Variants in ATOH8 observed in about 807,000 individuals in gnomAD.
The protein encoded by ATOH8 is transcription factor ATOH8.
ATOH8 carries 9 observed loss-of-function variants against 21.2 expected under a neutral mutation model. The ratio of observed to expected loss-of-function variants is 0.42; its 90% CI spans 0.26 to 0.74. ATOH8 has a LOEUF of 0.74. ATOH8 is among the 30% of genes least tolerant of loss of function. The probability of loss-of-function intolerance (pLI) is 0.24; values close to 1 mark genes in which losing one functional copy is unlikely to be tolerated. For synonymous variants in ATOH8, 253 were observed against 224.0 expected, an observed-to-expected ratio of 1.13 and a Z score of -1.16; for missense variants, 524 against 470.9, an observed-to-expected ratio of 1.11 and a Z score of -1.04.
At chr2:85,771,240 G>A (rs1424838067) in intron 2 of ATOH8, among the ~76,000 whole-genome samples, 1 of 151,378 alleles carries the variant, frequency 6.6e-6, no homozygotes, top group Non-Finnish European at 1.5e-5. Flanking sequence ...ACCTGGATTT[G>A]AGTCCTGGCA....
At chr2:85,768,786 A>C (rs1680097180) in intron 2 of ATOH8, among the ~76,000 whole-genome samples, 1 of 152,156 alleles carries the variant, frequency 6.6e-6, no homozygotes, top group Non-Finnish European at 1.5e-5. Flanking sequence ...GGGAACCTGC[A>C]TTCCTTGGCC....
At chr2:85,783,849 C>T (rs972470602) in intron 2 of ATOH8, among the ~76,000 whole-genome samples, 2 of 147,164 alleles carry the variant, frequency 1.4e-5, no homozygotes, top group South Asian at 2.1e-4. Flanking sequence ...CCCCCACATG[C>T]ACCCCCCGCC....
chr2:85,773,173 C>A, intron 2 of ATOH8: 1 of 268,282 alleles, frequency 3.7e-6, no homozygotes, highest in Non-Finnish European at 7.3e-6. Context: ...CAGAGACCCC[C>A]ATCAGCTCAT....
At chr2:85,767,014 C>T (rs1680035079) in intron 2 of ATOH8, among the ~76,000 whole-genome samples, 1 of 152,172 alleles carries the variant, frequency 6.6e-6, no homozygotes, top group Non-Finnish European at 1.5e-5. Context: ...ACTTCCCTGC[C>T]TCCTGGGGCC....
chr2:85,766,575 T>A lies in ATOH8; in HGVS notation c.960+2393T>A, dbSNP rs1680021952. Among the ~76,000 whole-genome samples, 1 of 152,184 alleles carries A rather than the reference T, an allele frequency of 6.6e-6. No homozygotes were observed. ...TCCCCATGGGGGCCGGTGTTCATAA[T>A]TCCAGCCCTTCCCATACCAGCCCCT... is the stretch of plus-strand genomic sequence containing the variant. On this transcript the variant is annotated intron_variant, in intron 2 of 2. Transcript: ENST00000306279. The surrounding 1 kb of genome is among the most constrained non-coding windows in gnomAD (Gnocchi z 4.0).
rs10190632 is a variant in ATOH8 at position 85,790,263 on chromosome 2, A to G, written c.*3373A>G. On this transcript the variant is annotated 3_prime_UTR_variant, in exon 3 of 3. Transcript: ENST00000306279. ...AGGGATGAGGGGGCCCTCTCCAGGG[A>G]CCCGCAAGATCTTCCTGGGTATGTC... Among the ~76,000 whole-genome samples the G allele has an allele frequency of 0.49, 73,885 of 151,982 alleles. 19,636 individuals carry two copies. Among genetic ancestry groups the G allele is most frequent in the African/African-American group, 0.7 (29,136 of 41,462 alleles).
Position 85,766,373 on chromosome 2 carries a change from C to T in ATOH8, c.960+2191C>T, listed in dbSNP as rs1345430350. Among the ~76,000 whole-genome samples, 2 of 152,070 alleles carry T rather than the reference C, an allele frequency of 1.3e-5. No individual in the cohort carries two copies. Among genetic ancestry groups the T allele is most frequent in the Non-Finnish European group, 2.9e-5 (2 of 68,008 alleles). On this transcript the variant is annotated intron_variant, in intron 2 of 2. Coordinates refer to ENST00000306279, the MANE Select transcript of ATOH8 (RefSeq NM_032827.7). This position sits in a 1 kb window ranked among gnomAD's most constrained non-coding sequence, Gnocchi z 4.0. Reference sequence around the variant, plus strand: ...AGCCCGGGCCTGAGGGCACTTCCTGCCTCCTGCCCTCAGTCTTTCCCAGCT... The same window carrying T: ...AGCCCGGGCCTGAGGGCACTTCCTGTCTCCTGCCCTCAGTCTTTCCCAGCT...
chr2:85,765,674 C>G (rs1327707644), intron 2 of ATOH8, among the ~76,000 whole-genome samples: 1 of 151,898 alleles, frequency 6.6e-6, no homozygotes, highest in Non-Finnish European at 1.5e-5. Context: ...GGCGCCCCGT[C>G]TCCATCTCAG....
Position 85,772,566 on chromosome 2 carries a change from G to A in ATOH8, c.960+8384G>A, listed in dbSNP as rs1178110891. The A allele has an allele frequency of 1.0e-5, 4 of 384,402 alleles. No individual in the cohort carries two copies. In the Admixed American group the frequency reaches 1.4e-4, roughly 13 times the overall value. 23.8% of individuals were successfully genotyped at this position (384,402 alleles called of 1,614,324 possible). On this transcript the variant is annotated intron_variant, in intron 2 of 2. Transcript: ENST00000306279. ...TTGGCAGCCCGCCCGGCCCTCTGCT[G>A]GCACATTCCCCAGCTCTCCCCTGGC...
rs1680687988 is a variant in ATOH8, at chr2:85,788,647, GA to G, written c.*1760del. Among the ~76,000 whole-genome samples, 1 of 152,218 alleles carries G rather than the reference GA, an allele frequency of 6.6e-6. No homozygotes were observed. The highest frequency in any genetic ancestry group is 6.5e-5 in the Admixed American group (1 of 15,286). ...GGCAGAAGGGACAGGGCTGGCCAAG[GA>G]AAGGGGGATAGGAGGGGACCGGAGG... On this transcript the variant is annotated 3_prime_UTR_variant, in exon 3 of 3. Transcript: ENST00000306279.
At chr2:85,767,144 G>A (rs139407049) in intron 2 of ATOH8, among the ~76,000 whole-genome samples, 4 of 452 alleles carry the variant, frequency 8.8e-3, no homozygotes, top group African/African-American at 0.032. Context: ...TCTTCGTTTT[G>A]TGCCTCCCAG....
chr2:85,780,133 C>G (rs1680443587), intron 2 of ATOH8, among the ~76,000 whole-genome samples: 1 of 152,128 alleles, frequency 6.6e-6, no homozygotes. Flanking sequence ...AGCAAGGACT[C>G]CAACTGGCAA....
At chr2:85,765,556 G>A (rs1486491229) in intron 2 of ATOH8, among the ~76,000 whole-genome samples, 13 of 152,222 alleles carry the variant, frequency 8.5e-5, no homozygotes, top group Non-Finnish European at 1.5e-4. Flanking sequence ...AAATTAGGGC[G>A]TGATTGATGG....
chr2:85,758,595 C>T (rs1162118495), intron 1 of ATOH8, among the ~76,000 whole-genome samples: 1 of 152,230 alleles, frequency 6.6e-6, no homozygotes, highest in African/African-American at 2.4e-5. Context: ...GACAGGCTCC[C>T]ATTGTGTCAT....
chr2:85,789,982 C>CGT lies in ATOH8; in HGVS notation c.*3095_*3096dup, dbSNP rs1680725535. Among the ~76,000 whole-genome samples the CGT allele has an allele frequency of 1.3e-5, 2 of 151,920 alleles. No individual in the cohort carries two copies. Among genetic ancestry groups the CGT allele is most frequent in the African/African-American group, 4.8e-5 (2 of 41,298 alleles). On this transcript the variant is annotated 3_prime_UTR_variant, in exon 3 of 3. Transcript: ENST00000306279. Reference sequence around the variant, plus strand: ...GCACATGCATACCCACACACACACTCGTGTACATTTCCAGAAAATGGAATT... The same window carrying CGT: ...GCACATGCATACCCACACACACACTCGTGTGTACATTTCCAGAAAATGGAATT...
At chr2:85,771,798 T>A (rs964654854) in intron 2 of ATOH8, among the ~76,000 whole-genome samples, 1 of 152,174 alleles carries the variant, frequency 6.6e-6, no homozygotes, top group African/African-American at 2.4e-5. Flanking sequence ...GGCATCCCAC[T>A]CACATTATCT....
intron 2 of ATOH8, among the ~76,000 whole-genome samples, chr2:85,776,917 C>T (rs1465866846): frequency 6.6e-6 from 1 of 152,144 alleles, no homozygotes; most frequent in Admixed American, 6.5e-5. Context: ...GCTTTCCTGC[C>T]AGCCCTGTTC....
At position 85,764,002 on chromosome 2, in the gene ATOH8, C is replaced by T. The variant is rs779024592; in HGVS notation, c.780C>T (p.Tyr260=). Residue 260 remains tyrosine (Y), a synonymous_variant, in exon 2 of 3, where the codon TAC becomes TAT. Transcript: ENST00000306279. ...CCTTCTCCCCTCAGGTGCCGTGCTA[C>T]TCATATGGGCAGAAGCTGTCCAAAC... The part of the protein sequence containing the change: ...FEALRKQVPC[Y]SYGQKLSKLA... The T allele has an allele frequency of 3.1e-6, 5 of 1,614,004 alleles. No individual in the cohort carries two copies. Among genetic ancestry groups the T allele is most frequent in the Non-Finnish European group, 3.4e-6 (4 of 1,179,994 alleles).
In ATOH8 at chr2:85,764,092, C is replaced by T. The variant is rs779901986; in HGVS notation, c.870C>T (p.Tyr290=). The change falls in exon 2 of 3, where the codon TAC becomes TAT. Residue 290 remains tyrosine, a synonymous_variant. Transcript: ENST00000306279. The part of the protein sequence containing the change: ...LSLARLADLD[Y]SADHSNLSFS... ...TGGCGCGGCTGGCTGACCTTGACTA[C>T]AGTGCCGACCACAGCAACCTCAGCT... is the stretch of plus-strand genomic sequence containing the variant. The T allele has an allele frequency of 1.2e-6, 2 of 1,614,180 alleles. No individual in the cohort carries two copies. Among genetic ancestry groups the T allele is most frequent in the Non-Finnish European group, 8.5e-7 (1 of 1,180,040 alleles).
Sources: gnomAD v4.1 joint callset for allele counts (sites outside exome capture counted in the v4.1 genomes callset) on GRCh38, gnomAD v4.1.1 for gene constraint, Gnocchi (gnomAD v3.1) non-coding constraint, MANE v1.5 for transcripts, NCBI Gene and HGNC (gene_info 2026-07-23, HGNC 2026-07-21) for gene names.